ADAMTS9: variants seen among roughly 807,000 people sequenced by gnomAD.
ADAMTS9 encodes ADAM metallopeptidase with thrombospondin type 1 motif 9, also known as A disintegrin and metalloproteinase with thrombospondin motifs 9.
A neutral mutation model predicts 257.1 loss-of-function variants in ADAMTS9; 107 were observed. The ratio of observed to expected loss-of-function variants is 0.42; its 90% CI spans 0.36 to 0.49. ADAMTS9 has a LOEUF of 0.49. Ranked by LOEUF, ADAMTS9 falls within the 20% of genes least tolerant of loss-of-function variation. The pLI, the probability that ADAMTS9 is intolerant of heterozygous loss-of-function variation, is 0.03. For synonymous variants in ADAMTS9, 982 were observed against 880.9 expected, an observed-to-expected ratio of 1.11 and a Z score of -2.03; for missense variants, 2,353 against 2,469.1, an observed-to-expected ratio of 0.95 and a Z score of 1.00.
intron 26 of ADAMTS9, among the ~76,000 whole-genome samples, chr3:64,599,403 T>A (rs2084418682): frequency 6.6e-6 from 1 of 152,224 alleles, no homozygotes; most frequent in Non-Finnish European, 1.5e-5. Context: ...TTGAAATTTG[T>A]CATCCACAAT....
chr3:64,653,144 C>T (rs1477353432), intron 8 of ADAMTS9, among the ~76,000 whole-genome samples: 1 of 152,166 alleles, frequency 6.6e-6, no homozygotes, highest in East Asian at 1.9e-4. Flanking sequence ...TTATTATCTG[C>T]ATTTTGCAGA....
chr3:64,667,287 A>G (rs565572097), intron 3 of ADAMTS9, among the ~76,000 whole-genome samples: 12 of 152,350 alleles, frequency 7.9e-5, no homozygotes, highest in African/African-American at 2.4e-4. Flanking sequence ...TTCTCCATGC[A>G]CATTAGCATT....
At chr3:64,680,350 G>A (rs1701722534) in intron 3 of ADAMTS9, among the ~76,000 whole-genome samples, 1 of 152,138 alleles carries the variant, frequency 6.6e-6, no homozygotes, top group Non-Finnish European at 1.5e-5. Flanking sequence ...TTAGAGACAG[G>A]GAAGTCCAAG....
chr3:64,573,432 C>G (rs1182444131), intron 28 of ADAMTS9, among the ~76,000 whole-genome samples: 1 of 152,150 alleles, frequency 6.6e-6, no homozygotes, highest in Non-Finnish European at 1.5e-5. Context: ...TATACGAGAA[C>G]CTATTACCAA....
intron 12 of ADAMTS9, among the ~76,000 whole-genome samples, chr3:64,641,066 T>C (rs1001948927): frequency 6.6e-6 from 1 of 151,924 alleles, no homozygotes; most frequent in Non-Finnish European, 1.5e-5. Flanking sequence ...TAATTCCTTA[T>C]CACAGAACAC....
At chr3:64,543,171 G>C (rs1456265698) in intron 32 of ADAMTS9, among the ~76,000 whole-genome samples, 3 of 149,950 alleles carry the variant, frequency 2.0e-5, no homozygotes, top group Non-Finnish European at 4.4e-5. Flanking sequence ...ATTCACAGCC[G>C]AATTCTACCA....
At chr3:64,541,771 CA>C in intron 33 of ADAMTS9, 66 bp downstream of exon 33, 1 of 1,593,464 alleles carries the variant, frequency 6.3e-7, no homozygotes, top group East Asian at 2.2e-5. Flanking sequence ...AAAGGGCAGG[CA>C]ATCAAATGAA....
At chr3:64,590,968 T>C (rs1249015522) in intron 28 of ADAMTS9, among the ~76,000 whole-genome samples, 1 of 152,198 alleles carries the variant, frequency 6.6e-6, no homozygotes, top group Admixed American at 6.5e-5. Flanking sequence ...TCTGTGATTA[T>C]CTAGATGAAT....
In ADAMTS9 at chr3:64,561,321, G is replaced by GTTT. The variant is rs34071104; in HGVS notation, c.4698+254_4698+256dup. ...TGCATTCGGCCCACAGCCTGTTAAAGTTTTTTTTTTTTTTTTTGAGGCGGC... is the reference window on the plus strand; with the variant it reads ...TGCATTCGGCCCACAGCCTGTTAAAGTTTTTTTTTTTTTTTTTTTTGAGGCGGC... On this transcript the variant is annotated intron_variant, in intron 30 of 39. Transcript: ENST00000498707. The GTTT allele has an allele frequency of 7.6e-3, 1,559 of 206,342 alleles. 19 individuals carry two copies. The highest frequency in any genetic ancestry group is 0.054 in the East Asian group (472 of 8,718). 12.8% of individuals were successfully genotyped at this position (206,342 alleles called of 1,614,324 possible). A position where few individuals can be genotyped will look rare whatever the true frequency, so the allele number is the denominator to read the frequency against.
intron 38 of ADAMTS9, among the ~76,000 whole-genome samples, chr3:64,530,865 G>A (rs1393119516): frequency 6.6e-6 from 1 of 152,034 alleles, no homozygotes; most frequent in East Asian, 1.9e-4. Flanking sequence ...CTGGGTCACT[G>A]AAACATACAG....
At chr3:64,539,317 A>G in intron 36 of ADAMTS9, 23 bp from the exon 37 acceptor site, 1 of 1,591,310 alleles carries the variant, frequency 6.3e-7, no homozygotes, top group South Asian at 1.1e-5. Context: ...GAAGGGGTTA[A>G]AGGCAGGGGA....
chr3:64,517,424 T>TTTTTTTG (rs2082792764), intron 39 of ADAMTS9, among the ~76,000 whole-genome samples: 1 of 123,246 alleles, frequency 8.1e-6, no homozygotes, highest in East Asian at 2.4e-4. Flanking sequence ...TGGTTTTTTT[T>TTTTTTTG]TTTTTTTTTT....
chr3:64,519,866 C>T (rs11713906), intron 39 of ADAMTS9, among the ~76,000 whole-genome samples: 101,770 of 151,610 alleles, frequency 0.67, 38,692 homozygotes, highest in Non-Finnish European at 0.86. Context: ...TGGAAGCATT[C>T]CTCCTAAGAA....
intron 3 of ADAMTS9, among the ~76,000 whole-genome samples, chr3:64,667,567 A>G (rs77745301): frequency 2.6e-5 from 4 of 152,166 alleles, no homozygotes; most frequent in Non-Finnish European, 4.4e-5. Context: ...GGTCCCCTCA[A>G]TACCTTCTAA....
intron 4 of ADAMTS9, 112 bp from the exon 5 acceptor site, chr3:64,655,987 A>G (rs2106960988): frequency 1.6e-6 from 1 of 619,338 alleles, no homozygotes; most frequent in South Asian, 2.8e-5. Context: ...CAACATATGC[A>G]TTTTGTGGTT....
intron 21 of ADAMTS9, 87 bp downstream of exon 21, chr3:64,615,234 C>T: frequency 6.9e-7 from 1 of 1,455,206 alleles, no homozygotes. Context: ...GAGAAAGGTG[C>T]ACAAGGGTTT....
intron 28 of ADAMTS9, among the ~76,000 whole-genome samples, chr3:64,593,011 T>A (rs2084291151): frequency 6.6e-6 from 1 of 152,184 alleles, no homozygotes; most frequent in Admixed American, 6.5e-5. Flanking sequence ...AATGTTCATC[T>A]GGGGAAGGTG....
chr3:64,624,944 A>C (rs1014836886), intron 16 of ADAMTS9, among the ~76,000 whole-genome samples: 4 of 152,148 alleles, frequency 2.6e-5, no homozygotes, highest in Admixed American at 6.5e-5. Flanking sequence ...TGGGCTTGAC[A>C]TGAAGCAGGT....
At chr3:64,684,289 G>C (rs972924556) in intron 2 of ADAMTS9, among the ~76,000 whole-genome samples, 3 of 151,928 alleles carry the variant, frequency 2.0e-5, no homozygotes, top group Admixed American at 6.6e-5. Flanking sequence ...GAGAGAGGGG[G>C]AGAAAAGTGA....
Sources: gnomAD v4.1 joint callset for allele counts (sites outside exome capture counted in the v4.1 genomes callset) on GRCh38, gnomAD v4.1.1 for gene constraint, MANE v1.5 for transcripts, NCBI Gene and HGNC (gene_info 2026-07-23, HGNC 2026-07-21) for gene names.